The following ZNF28 variants were observed in gnomAD, a reference collection of about 807,000 sequenced individuals.
ZNF28 encodes zinc finger protein KOX24.
Under a neutral mutation model 7.2 loss-of-function variants are expected in ZNF28, and 5 were observed. The ratio of observed to expected loss-of-function variants is 0.70; its 90% CI spans 0.36 to 1.46. ZNF28 has a LOEUF of 1.46. ZNF28 is among the 40% of genes most tolerant of loss of function. The pLI is 0.03. For missense variants in ZNF28, 879 were observed against 866.6 expected (o/e 1.01, Z -0.18); for synonymous variants, 288 against 292.4 (o/e 0.99, Z 0.15).
chr19:52,811,778 C>T (rs1447182436), intron 2 of ZNF28, among the ~76,000 whole-genome samples: 7 of 149,032 alleles, frequency 4.7e-5, no homozygotes, highest in East Asian at 4.1e-4. Flanking sequence ...GTCAGCCCCC[C>T]GCCCGGCCAG....
chr19:52,811,746 G>A (rs995244935), intron 2 of ZNF28, among the ~76,000 whole-genome samples: 6 of 148,416 alleles, frequency 4.0e-5, no homozygotes, highest in East Asian at 2.1e-4. Flanking sequence ...CAGCCGCCCC[G>A]TCCGGGAGGG....
intron 3 of ZNF28, chr19:52,807,736 A>G: frequency 1.9e-6 from 1 of 516,204 alleles, no homozygotes; most frequent in Non-Finnish European, 3.3e-6. Flanking sequence ...TGGCCTCCCA[A>G]GGTGCTGGGA....
In ZNF28 at chr19:52,800,368, T is replaced by G. The variant is rs767625832; in HGVS notation, c.1477A>C (p.Lys493Gln). Residue 493 changes from lysine (K) to glutamine (Q), a missense_variant, in exon 4 of 4, where the codon AAA (lysine) becomes CAA (glutamine). Transcript: ENST00000457749. ...ERHRRIHTGE[K>Q]PYKCKVCDKA... ...TCACAAACCTTACATTTGTATGGTT[T>G]CTCTCCAGTATGAATCCTCCTATGT... 5.0e-6 allele frequency: 8 copies of G among 1,614,026 alleles called. No individual in the cohort carries two copies. The East Asian group carries it at 1.8e-4, about 36-fold the overall frequency.
At chr19:52,801,836 A>G in intron 3 of ZNF28, 134 bp from the exon 4 acceptor site, 3 of 836,058 alleles carry the variant, frequency 3.6e-6, no homozygotes, top group Non-Finnish European at 5.5e-6. Context: ...TAAGAACACA[A>G]AAGGAGTAAG....
At chr19:52,802,655 TGACAGAGTGA>T (rs1220061916) in intron 3 of ZNF28, among the ~76,000 whole-genome samples, 39 of 152,078 alleles carry the variant, frequency 2.6e-4, no homozygotes, top group African/African-American at 8.5e-4. Flanking sequence ...CCACCCTGGA[TGACAGAGTGA>T]GACTCCATCT....
At position 52,800,876 on chromosome 19, in the gene ZNF28, T is replaced by A; in HGVS notation, c.969A>T (p.Gly323=). 6.2e-7 allele frequency: 1 copy of A among 1,614,024 alleles called. No individual in the cohort carries two copies. The highest frequency in any genetic ancestry group is 8.5e-7 in the Non-Finnish European group (1 of 1,179,946). ...AAACCTTACATTTGTATGGTTTCCC[T>A]CCAGTATAAATTATCTTATGTGTTT... ...HLETHKIIYT[G]GKPYKCKVCD... Residue 323 remains glycine, a synonymous_variant, in exon 4 of 4, where the codon GGA becomes GGT. Coordinates refer to ENST00000457749, the MANE Select transcript of ZNF28 (RefSeq NM_006969.5).
Position 52,797,409 on chromosome 19 carries a change from CAGAA to C in ZNF28, c.*2275_*2278del, listed in dbSNP as rs1174630078. The C allele has an allele frequency of 2.6e-5, 4 of 152,188 alleles. No individual in the cohort carries two copies. The highest frequency in any genetic ancestry group is 7.2e-5 in the African/African-American group (3 of 41,446). The allele number at this position is 152,188 out of a possible 1,614,324, so 9.4% of individuals were successfully genotyped here. A position where few individuals can be genotyped will look rare whatever the true frequency, so the allele number is the denominator to read the frequency against. On this transcript the variant is annotated 3_prime_UTR_variant, in exon 4 of 4. Transcript: ENST00000457749. The stretch of plus-strand genomic sequence containing the variant: ...CAATAGAAATCGAACTCATCCAAAT[CAGAA>C]AGAAAGAAGTCAAATTTTATTTGTT...
chr19:52,817,919 C>A (rs780578973), intron 2 of ZNF28, 25 bp downstream of exon 2: 6 of 1,609,674 alleles, frequency 3.7e-6, no homozygotes, highest in Non-Finnish European at 4.2e-6. Context: ...GGAGACAGAG[C>A]AATCCACCGA....
At position 52,800,857 on chromosome 19, in the gene ZNF28, T is replaced by TA. The variant is rs774708550; in HGVS notation, c.987dup (p.Lys330Ter). ...CATGTGAAAGCTTTGTCACAAACCT[T>TA]ACATTTGTATGGTTTCCCTCCAGTA... is the stretch of plus-strand genomic sequence containing the variant. On this transcript the variant is annotated frameshift_variant, in exon 4 of 4. Transcript: ENST00000457749. LOFTEE classifies it low-confidence loss of function (END_TRUNC). The TA allele has an allele frequency of 8.7e-6, 14 of 1,614,094 alleles. No individual in the cohort carries two copies. In the Admixed American group the frequency reaches 2.3e-4, roughly 27 times the overall value.
chr19:52,808,034 C>G lies in ZNF28; in HGVS notation c.115G>C (p.Glu39Gln). The G allele has an allele frequency of 1.2e-6, 2 of 1,613,556 alleles. No individual in the cohort carries two copies. Among genetic ancestry groups the G allele is most frequent in the Non-Finnish European group, 1.7e-6 (2 of 1,179,576 alleles). ...AGGGAGACCAGGTTCCTATAATTCT[C>G]CAGCATCACATCCCTGTAAAGAGTC... ...QRTLYRDVML[E>Q]NYRNLVSLDI... The change falls in exon 3 of 4, where the codon GAG (glutamate) becomes CAG (glutamine). Residue 39 changes from glutamate (E) to glutamine (Q), a missense_variant. Glu to Gln is a conservative substitution (Grantham distance 29). This residue lies in a region of ZNF28 where 864 missense variants were observed against 830.2 expected (regional missense o/e 1.04). Transcript: ENST00000457749.
chr19:52,800,034 T>C lies in ZNF28; in HGVS notation c.1811A>G (p.Glu604Gly). ...ACACTCATTACACTTGTAAGGTTTC[T>C]CTCCAGTATGAACTCTCTGATGTTG... ...LAQHQRVHTG[E>G]KPYKCNECGK... Residue 604 changes from glutamate (E) to glycine (G), a missense_variant, in exon 4 of 4, where the codon GAG becomes GGG. Physicochemically the swap from Glu to Gly is moderately conservative, Grantham distance 98. This residue lies in a region of ZNF28 where 864 missense variants were observed against 830.2 expected (regional missense o/e 1.04). Transcript: ENST00000457749. 6.2e-7 allele frequency: 1 copy of C among 1,614,216 alleles called. No homozygotes were observed. The highest frequency in any genetic ancestry group is 8.5e-7 in the Non-Finnish European group (1 of 1,180,020).
chr19:52,799,194 T>C lies in ZNF28; in HGVS notation c.*494A>G, dbSNP rs961642949. 1.7e-5 allele frequency: 7 copies of C among 416,648 alleles called. No individual in the cohort carries two copies. The highest frequency in any genetic ancestry group is 3.2e-5 in the Non-Finnish European group (7 of 216,526). The allele number at this position is 416,648 out of a possible 1,614,324, so 25.8% of individuals were successfully genotyped here. A position where few individuals can be genotyped will look rare whatever the true frequency, so the allele number is the denominator to read the frequency against. On this transcript the variant is annotated 3_prime_UTR_variant, in exon 4 of 4. Coordinates refer to ENST00000457749, the MANE Select transcript of ZNF28 (RefSeq NM_006969.5). ...ACATTCATTACACTTGTAGGGTTTC[T>C]CTCCAATACGAATTGCCTTTTGAAT...
chr19:52,809,788 G>C, intron 2 of ZNF28: 4 of 505,598 alleles, frequency 7.9e-6, no homozygotes, highest in Admixed American at 3.9e-5. Context: ...CTGGGTGACA[G>C]AGCGAAAAAA....
At chr19:52,818,587 G>C (rs952439779) in intron 1 of ZNF28, among the ~76,000 whole-genome samples, 1 of 152,096 alleles carries the variant, frequency 6.6e-6, no homozygotes, top group Non-Finnish European at 1.5e-5. Flanking sequence ...ATGCGCATCT[G>C]TAATCCCAGC....
At chr19:52,807,234 T>C (rs2062948319) in intron 3 of ZNF28, among the ~76,000 whole-genome samples, 1 of 68,814 alleles carries the variant, frequency 1.5e-5, no homozygotes, top group Non-Finnish European at 4.1e-5. Context: ...GAAAGGACCA[T>C]AACATGCTGG....
intron 2 of ZNF28, chr19:52,810,046 G>A (rs906333349): frequency 9.5e-6 from 7 of 737,520 alleles, no homozygotes; most frequent in Admixed American, 6.0e-5. Flanking sequence ...CTCCAGCCCC[G>A]CGCCCCATGC....
At chr19:52,811,562 G>T (rs2063040046) in intron 2 of ZNF28, among the ~76,000 whole-genome samples, 2 of 148,392 alleles carry the variant, frequency 1.3e-5, no homozygotes, top group African/African-American at 5.1e-5. Flanking sequence ...TGGGATGTGA[G>T]GAGCGCCTCT....
chr19:52,810,390 C>T (rs2063003993), intron 2 of ZNF28: 2 of 1,604,964 alleles, frequency 1.2e-6, no homozygotes, highest in Admixed American at 1.7e-5. Context: ...TTCAGTCAAC[C>T]ACGTTACCAT....
chr19:52,801,138 G>T lies in ZNF28; in HGVS notation c.707C>A (p.Thr236Asn), dbSNP rs777004461. The T allele has an allele frequency of 4.3e-6, 7 of 1,613,898 alleles. No homozygotes were observed. Among genetic ancestry groups the T allele is most frequent in the Admixed American group, 1.7e-5 (1 of 59,970 alleles). ...TTTACATTGTTTCTCTTCTAAGTGG[G>T]TTATCTGATGTTTTTTTAAAAGTGA... ...CSSLLKKHQI[T>N]HLEEKQCKCD... The change falls in exon 4 of 4, where the codon ACC (threonine) becomes AAC (asparagine). Residue 236 changes from threonine (T) to asparagine (N), a missense_variant. This residue lies in a region of ZNF28 where 864 missense variants were observed against 830.2 expected (regional missense o/e 1.04). Coordinates refer to ENST00000457749, the MANE Select transcript of ZNF28 (RefSeq NM_006969.5).
Sources: allele counts gnomAD v4.1 joint callset (sites outside exome capture counted in the v4.1 genomes callset), GRCh38; gene constraint gnomAD v4.1.1; regional missense constraint gnomAD v4.1.1; transcripts MANE v1.5; gene names NCBI Gene and HGNC (gene_info 2026-07-23, HGNC 2026-07-21).